NALF1: variants seen among roughly 807,000 people sequenced by gnomAD.
The protein encoded by NALF1 is NALCN channel auxiliary factor 1, also known as family with sequence similarity 155 member A.
Under a neutral mutation model 48.4 loss-of-function variants are expected in NALF1, and 3 were observed. The ratio of observed to expected loss-of-function variants is 0.06; its 90% CI spans 0.03 to 0.16. The LOEUF is 0.16. Ranked by LOEUF, NALF1 falls within the 10% of genes least tolerant of loss-of-function variation. NALF1 has a pLI of 1.00. For synonymous variants in NALF1, 262 were observed against 245.7 expected, an observed-to-expected ratio of 1.07 and a Z score of -0.62; for missense variants, 526 against 571.5, an observed-to-expected ratio of 0.92 and a Z score of 0.81.
chr13:107,207,548 C>T (rs767619343), intron 2 of NALF1, among the ~76,000 whole-genome samples: 10 of 152,208 alleles, frequency 6.6e-5, no homozygotes, highest in Non-Finnish European at 1.3e-4. Context: ...AAGATGAAAC[C>T]CATTCTGGGG....
chr13:107,718,191 T>G (rs1489136526), intron 1 of NALF1, among the ~76,000 whole-genome samples: 1 of 152,228 alleles, frequency 6.6e-6, no homozygotes, highest in Non-Finnish European at 1.5e-5. Flanking sequence ...CCACTCTAGA[T>G]TTCTGACCTT....
chr13:107,720,510 CAAAA>C (rs56380251), intron 1 of NALF1, among the ~76,000 whole-genome samples: 3 of 59,854 alleles, frequency 5.0e-5, no homozygotes, highest in African/African-American at 8.0e-5. Context: ...GACTGCATCT[CAAAA>C]AAAAAAAAAA....
At chr13:107,621,819 T>A (rs1326914166) in intron 1 of NALF1, among the ~76,000 whole-genome samples, 1 of 152,140 alleles carries the variant, frequency 6.6e-6, no homozygotes, top group Non-Finnish European at 1.5e-5. Flanking sequence ...GAGGCCGGAA[T>A]TCAATCCCTG....
At chr13:107,779,041 C>A (rs1269634543) in intron 1 of NALF1, among the ~76,000 whole-genome samples, 4 of 152,056 alleles carry the variant, frequency 2.6e-5, no homozygotes, top group African/African-American at 9.7e-5. Context: ...TTTTATAGGT[C>A]GAGATTTATG....
chr13:107,641,355 A>G (rs1880150349), intron 1 of NALF1, among the ~76,000 whole-genome samples: 2 of 152,178 alleles, frequency 1.3e-5, no homozygotes, highest in African/African-American at 4.8e-5. Flanking sequence ...GTAGAGAGAC[A>G]ACAGTTTGCA....
intron 2 of NALF1, among the ~76,000 whole-genome samples, chr13:107,191,833 A>ATTTTTTTTT (rs66566638): frequency 1.8e-3 from 198 of 112,132 alleles, no homozygotes; most frequent in Non-Finnish European, 2.2e-3. Flanking sequence ...CACTATGCCT[A>ATTTTTTTTT]TTTTTTTTTT....
At chr13:107,414,977 C>CATAT (rs35399920) in intron 1 of NALF1, among the ~76,000 whole-genome samples, 31,418 of 151,912 alleles carry the variant, frequency 0.21, 3,590 homozygotes, top group Middle Eastern at 0.26. Flanking sequence ...AAAACTTCAG[C>CATAT]ATAAAGATAA....
chr13:107,689,328 G>T (rs970884120), intron 1 of NALF1, among the ~76,000 whole-genome samples: 1 of 151,940 alleles, frequency 6.6e-6, no homozygotes, highest in Admixed American at 6.6e-5. Flanking sequence ...TACTGACTAC[G>T]TTTTATGACA....
At chr13:107,354,243 A>T (rs531196028) in intron 1 of NALF1, among the ~76,000 whole-genome samples, 5 of 152,316 alleles carry the variant, frequency 3.3e-5, no homozygotes, top group Admixed American at 3.3e-4. Context: ...GCTGGACTTT[A>T]GCATGGGTGG....
intron 1 of NALF1, among the ~76,000 whole-genome samples, chr13:107,667,377 A>T (rs1880886311): frequency 6.6e-6 from 1 of 152,036 alleles, no homozygotes; most frequent in African/African-American, 2.4e-5. Flanking sequence ...CCCCCACTAA[A>T]AAGTTTTACT....
chr13:107,461,220 T>TA (rs1283158489), intron 1 of NALF1, among the ~76,000 whole-genome samples: 1 of 152,184 alleles, frequency 6.6e-6, no homozygotes, highest in Non-Finnish European at 1.5e-5. Context: ...TGCTTTCTTC[T>TA]AAAAATGAGA....
intron 1 of NALF1, among the ~76,000 whole-genome samples, chr13:107,214,012 G>A (rs370039351): frequency 2.0e-5 from 3 of 152,156 alleles, no homozygotes; most frequent in East Asian, 1.9e-4. Flanking sequence ...ATATAAAGAC[G>A]AGCTTTCCTG....
At chr13:107,767,212 T>C (rs1442461178) in intron 1 of NALF1, among the ~76,000 whole-genome samples, 1 of 152,206 alleles carries the variant, frequency 6.6e-6, no homozygotes, top group Non-Finnish European at 1.5e-5. Flanking sequence ...ATCTACAACA[T>C]GTGACCTTTT....
intron 1 of NALF1, among the ~76,000 whole-genome samples, chr13:107,363,041 A>ATGCC (rs1356124443): frequency 2.0e-5 from 3 of 152,184 alleles, no homozygotes; most frequent in Non-Finnish European, 4.4e-5. Flanking sequence ...CACATAAACA[A>ATGCC]TGCCTGAAAT....
chr13:107,479,554 C>T (rs1229896979), intron 1 of NALF1, among the ~76,000 whole-genome samples: 2 of 151,866 alleles, frequency 1.3e-5, no homozygotes, highest in South Asian at 2.1e-4. Flanking sequence ...TTGTGACTTT[C>T]GTCCTTTGGA....
chr13:107,750,072 C>A (rs550215924), intron 1 of NALF1, among the ~76,000 whole-genome samples: 67 of 152,250 alleles, frequency 4.4e-4, no homozygotes, highest in South Asian at 6.2e-4. Flanking sequence ...CCCGCCTCAG[C>A]CTCCCAAAGT....
At chr13:107,270,855 C>T (rs1287764382) in intron 1 of NALF1, among the ~76,000 whole-genome samples, 1 of 150,058 alleles carries the variant, frequency 6.7e-6, no homozygotes, top group East Asian at 2.0e-4. Flanking sequence ...TGATGTTCCC[C>T]TTCCTGTGTC....
chr13:107,552,747 T>C (rs1877333213), intron 1 of NALF1, among the ~76,000 whole-genome samples: 1 of 152,172 alleles, frequency 6.6e-6, no homozygotes. Context: ...TATTCTAGTT[T>C]TGTATAAAGT....
chr13:107,608,153 G>T (rs73595233), intron 1 of NALF1, among the ~76,000 whole-genome samples: 6,207 of 152,210 alleles, frequency 0.041, 206 homozygotes, highest in African/African-American at 0.097. Context: ...TGGAAGTAAC[G>T]TTACGTGGCA....
Sources: allele counts gnomAD v4.1 joint callset (sites outside exome capture counted in the v4.1 genomes callset), GRCh38; gene constraint gnomAD v4.1.1; transcripts MANE v1.5; gene names NCBI Gene and HGNC (gene_info 2026-07-23, HGNC 2026-07-21).